RAI1: variants seen among roughly 807,000 people sequenced by gnomAD.
The protein encoded by RAI1 is retinoic acid-induced protein 1.
A neutral mutation model predicts 123.8 loss-of-function variants in RAI1; 9 were observed. The observed-to-expected ratio is 0.07, with a 90% CI of 0.04 to 0.13. RAI1 has a LOEUF of 0.13. RAI1 is among the 10% of genes least tolerant of loss of function. RAI1 has a pLI of 1.00. For missense variants in RAI1, 2,256 were observed against 2,545.8 expected, an observed-to-expected ratio of 0.89 and a Z score of 2.45; for synonymous variants, 1,231 against 1,127.3, an observed-to-expected ratio of 1.09 and a Z score of -1.84.
In RAI1 at chr17:17,793,097, A is replaced by G. The variant is rs1382756452; in HGVS notation, c.149A>G (p.Tyr50Cys). 6.8e-6 allele frequency: 11 copies of G among 1,613,982 alleles called. No individual in the cohort carries two copies. Among genetic ancestry groups the G allele is most frequent in the African/African-American group, 1.3e-5 (1 of 74,924 alleles). The change falls in exon 3 of 6, where the codon TAT becomes TGT. Residue 50 changes from tyrosine (Y) to cysteine (C), a missense_variant. Transcript: ENST00000353383. ...CGGCAGCGGCTGCTCGCCAAGGACT[A>G]TTATAACCCGCAGCCTTACCCGAGC... ...CDRQRLLAKD[Y>C]YNPQPYPSYE...
intron 2 of RAI1, among the ~76,000 whole-genome samples, chr17:17,730,296 C>CA (rs1350700370): frequency 6.6e-6 from 1 of 152,242 alleles, no homozygotes; most frequent in African/African-American, 2.4e-5. Context: ...GATTAAAATG[C>CA]AAACTGTTAC....
intron 2 of RAI1, among the ~76,000 whole-genome samples, chr17:17,728,584 G>GC (rs1300863776): frequency 6.6e-6 from 1 of 152,110 alleles, no homozygotes. Flanking sequence ...AGGGGCACGT[G>GC]CCCAAGTCTG....
At position 17,797,555 on chromosome 17, in the gene RAI1, A is replaced by T. The variant is rs745872894; in HGVS notation, c.4607A>T (p.Lys1536Met). 1 of 1,614,022 alleles carries T rather than the reference A, an allele frequency of 6.2e-7. No individual in the cohort carries two copies. Among genetic ancestry groups the T allele is most frequent in the South Asian group, 1.1e-5 (1 of 91,090 alleles). ...CACACCAACTACAGCAGCTATTCCA[A>T]GCGGAAGCGCCTCACTCGGGGCCGG... The part of the protein sequence containing the change: ...PGHTNYSSYS[K>M]RKRLTRGRAK... The change falls in exon 3 of 6, where the codon AAG (lysine) becomes ATG (methionine). Residue 1536 changes from lysine (K) to methionine (M), a missense_variant. Physicochemically the swap from Lys to Met is moderately conservative, Grantham distance 95. Around this residue, in one of 7 missense-constraint regions of RAI1, gnomAD observed 410 missense variants for 374.6 expected, o/e 1.09. Coordinates refer to ENST00000353383, the MANE Select transcript of RAI1 (RefSeq NM_030665.4).
chr17:17,755,613 T>TC (rs1033747087), intron 2 of RAI1, among the ~76,000 whole-genome samples: 5 of 152,146 alleles, frequency 3.3e-5, no homozygotes, highest in African/African-American at 1.2e-4. Flanking sequence ...CATGTCCTCC[T>TC]CCATCAGTCA....
chr17:17,775,835 G>A (rs1013186812), intron 2 of RAI1, among the ~76,000 whole-genome samples: 3 of 152,208 alleles, frequency 2.0e-5, no homozygotes, highest in African/African-American at 7.2e-5. Context: ...CAGTTATTCC[G>A]ATGCTGAGTA....
At chr17:17,722,726 G>GT (rs1598034664) in intron 1 of RAI1, among the ~76,000 whole-genome samples, 1 of 152,212 alleles carries the variant, frequency 6.6e-6, no homozygotes, top group Admixed American at 6.5e-5. Flanking sequence ...GCTGGGGAGG[G>GT]TCCCCCAAAC....
rs398124413 is a variant in RAI1, at chr17:17,793,087, G to A, written c.139G>A (p.Ala47Thr). 2.8e-4 allele frequency: 460 copies of A among 1,614,130 alleles called. 4 individuals are homozygous for A. In the South Asian group the frequency reaches 4.5e-3, roughly 16 times the overall value. The change falls in exon 3 of 6, where the codon GCC becomes ACC. Residue 47 changes from alanine (A) to threonine (T), a missense_variant. By Grantham distance (58) the Ala-to-Thr change is moderately conservative (BLOSUM62 0). Coordinates refer to ENST00000353383, the MANE Select transcript of RAI1 (RefSeq NM_030665.4). ...GLSCDRQRLL[A>T]KDYYNPQPYP... ...AAGCTGCGACCGGCAGCGGCTGCTCGCCAAGGACTATTATAACCCGCAGCC... is the reference window on the plus strand; with the variant it reads ...AAGCTGCGACCGGCAGCGGCTGCTCACCAAGGACTATTATAACCCGCAGCC...
chr17:17,706,292 TC>T (rs1174110751), intron 1 of RAI1, among the ~76,000 whole-genome samples: 1 of 151,772 alleles, frequency 6.6e-6, no homozygotes, highest in Non-Finnish European at 1.5e-5. Flanking sequence ...GGCAGTTGGG[TC>T]CGGCCAGCAG....
rs931888431 is a variant in RAI1 at position 17,758,711 on chromosome 17, A to G, written c.-16-34222A>G. ...GCCAACCCCTAATTGCAGTTGTGCA[A>G]TGATCAACGTATGTACGAGGAGCAT... On this transcript the variant is annotated intron_variant, in intron 2 of 5. Transcript: ENST00000353383. Among the ~76,000 whole-genome samples, 16 of 152,208 alleles carry G rather than the reference A, an allele frequency of 1.1e-4. No individual in the cohort carries two copies. In the South Asian group the frequency reaches 2.7e-3, roughly 26 times the overall value.
chr17:17,790,999 G>T (rs1214424048), intron 2 of RAI1, among the ~76,000 whole-genome samples: 3 of 152,250 alleles, frequency 2.0e-5, no homozygotes, highest in Non-Finnish European at 4.4e-5. Flanking sequence ...GCTGCCAGGG[G>T]TAGGATTGAA....
intron 4 of RAI1, among the ~76,000 whole-genome samples, chr17:17,805,141 G>A (rs141052981): frequency 0.012 from 1,785 of 152,308 alleles, 28 homozygotes; most frequent in African/African-American, 0.031. Context: ...GATTACAGGC[G>A]TGAGCCACTG....
chr17:17,797,616 T>C lies in RAI1; in HGVS notation c.4668T>C (p.Arg1556=). The C allele has an allele frequency of 6.2e-7, 1 of 1,613,890 alleles. No homozygotes were observed. The highest frequency in any genetic ancestry group is 1.1e-5 in the South Asian group (1 of 91,076). ...KNTTSSPCKG[R]AKRRRQQQVL... The stretch of plus-strand genomic sequence containing the variant: ...CCACCTCTTCACCCTGTAAGGGGCG[T>C]GCCAAGCGACGACGACAGCAGCAGG... Residue 1556 remains arginine, a synonymous_variant, in exon 3 of 6, where the codon CGT becomes CGC. Coordinates refer to ENST00000353383, the MANE Select transcript of RAI1 (RefSeq NM_030665.4).
At chr17:17,785,288 C>T (rs1216181759) in intron 2 of RAI1, among the ~76,000 whole-genome samples, 2 of 152,234 alleles carry the variant, frequency 1.3e-5, no homozygotes, top group African/African-American at 4.8e-5. Context: ...AAACCTGTCT[C>T]TGGGTATCAT....
At position 17,800,718 on chromosome 17, in the gene RAI1, C is replaced by T. The variant is rs553754123; in HGVS notation, c.5565+2205C>T. Among the ~76,000 whole-genome samples, 20 of 152,354 alleles carry T rather than the reference C, an allele frequency of 1.3e-4. No individual in the cohort carries two copies. In the South Asian group the frequency reaches 3.1e-3, roughly 24 times the overall value. ...GCAACTAGGGCTGCCCCGGGAAGGTCGGAACCAGGAACACCCTGCCAGACA... is the reference window on the plus strand; with the variant it reads ...GCAACTAGGGCTGCCCCGGGAAGGTTGGAACCAGGAACACCCTGCCAGACA... On this transcript the variant is annotated intron_variant, in intron 3 of 5. Coordinates refer to ENST00000353383, the MANE Select transcript of RAI1 (RefSeq NM_030665.4). The surrounding 1 kb of genome is among the most constrained non-coding windows in gnomAD (Gnocchi z 4.7).
intron 2 of RAI1, among the ~76,000 whole-genome samples, chr17:17,749,141 G>A (rs1308509844): frequency 5.3e-5 from 8 of 152,202 alleles, no homozygotes; most frequent in African/African-American, 1.2e-4. Flanking sequence ...GCATCTGCCC[G>A]TCAGCAGAGA....
intron 1 of RAI1, among the ~76,000 whole-genome samples, chr17:17,722,488 C>G (rs1012591824): frequency 6.6e-6 from 1 of 152,322 alleles, no homozygotes; most frequent in South Asian, 2.1e-4. Context: ...CTCCGCCAGG[C>G]TCCACGCGCC....
intron 4 of RAI1, chr17:17,804,092 T>C: frequency 1.7e-6 from 1 of 593,510 alleles, no homozygotes; most frequent in Non-Finnish European, 3.1e-6. Flanking sequence ...TGAGGGAAGA[T>C]AGAAGCATAA....
chr17:17,774,800 G>A (rs1193730986), intron 2 of RAI1, among the ~76,000 whole-genome samples: 1 of 152,246 alleles, frequency 6.6e-6, no homozygotes, highest in Non-Finnish European at 1.5e-5. Context: ...GCAGCTGCAT[G>A]TACGTTGTCT....
chr17:17,723,155 A>G (rs1321626689), intron 1 of RAI1, among the ~76,000 whole-genome samples: 1 of 151,950 alleles, frequency 6.6e-6, no homozygotes, highest in East Asian at 1.9e-4. Flanking sequence ...CCCTCTGGAC[A>G]CTCAGCCCCA....
Sources: allele counts gnomAD v4.1 joint callset (sites outside exome capture counted in the v4.1 genomes callset), GRCh38; gene constraint gnomAD v4.1.1; regional missense constraint gnomAD v4.1.1; non-coding constraint Gnocchi (gnomAD v3.1); transcripts MANE v1.5; gene names NCBI Gene and HGNC (gene_info 2026-07-23, HGNC 2026-07-21).